TBC1D1: variants seen among roughly 807,000 people sequenced by gnomAD.
The protein encoded by TBC1D1 is TBC1 (tre-2/USP6, BUB2, cdc16) domain family, member 1.
In TBC1D1, 89 loss-of-function variants were observed where a neutral mutation model predicts 125.6. The observed-to-expected ratio is 0.71, with a 90% CI of 0.60 to 0.85. The LOEUF is 0.85. Among genes scored for constraint, TBC1D1 ranks in the 40% least tolerant of loss-of-function variants. TBC1D1 has a pLI of 0.00. For synonymous variants in TBC1D1, 565 were observed against 564.1 expected (o/e 1.00, Z -0.02); for missense variants, 1,377 against 1,469.2 (o/e 0.94, Z 1.03).
In TBC1D1 at chr4:38,137,246, C is replaced by T; in HGVS notation, c.3418C>T (p.Leu1140=). ...CTTAGAACTGGAGCGGTCGGCCCTG[C>T]TGCAGACGGTGGAGGAGCTGCGGCG... The change falls in exon 20 of 20, where the codon CTG becomes TTG. Residue 1140 remains leucine (L), a synonymous_variant. Transcript: ENST00000261439. The T allele has an allele frequency of 1.2e-6, 2 of 1,612,280 alleles. No individual in the cohort carries two copies. The highest frequency in any genetic ancestry group is 1.3e-5 in the African/African-American group (1 of 75,002).
intron 2 of TBC1D1, among the ~76,000 whole-genome samples, chr4:37,938,112 G>A (rs1724777899): frequency 6.6e-6 from 1 of 152,028 alleles, no homozygotes; most frequent in African/African-American, 2.4e-5. Flanking sequence ...TGGGTGCAGT[G>A]GTACACACCT....
intron 6 of TBC1D1, among the ~76,000 whole-genome samples, chr4:38,026,515 G>A (rs911709773): frequency 3.9e-5 from 6 of 152,340 alleles, no homozygotes; most frequent in African/African-American, 7.2e-5. Context: ...TAGGTGCCTC[G>A]CACACTGTTC....
chr4:37,934,047 A>G (rs965793963), intron 2 of TBC1D1, among the ~76,000 whole-genome samples: 2 of 152,210 alleles, frequency 1.3e-5, no homozygotes, highest in Admixed American at 6.5e-5. Flanking sequence ...ACACCTACAC[A>G]GGCCGTGTGT....
chr4:38,045,787 T>C (rs1423969728), intron 9 of TBC1D1, 30 bp from the exon 10 acceptor site: 3 of 1,591,764 alleles, frequency 1.9e-6, no homozygotes, highest in Non-Finnish European at 2.6e-6. Flanking sequence ...GCCTCCAGAG[T>C]CATAACTCGA....
At chr4:38,020,167 T>C (rs1743693120) in intron 4 of TBC1D1, among the ~76,000 whole-genome samples, 1 of 152,196 alleles carries the variant, frequency 6.6e-6, no homozygotes, top group South Asian at 2.1e-4. Context: ...TCAGAGAAAA[T>C]AGTAATTTCC....
intron 2 of TBC1D1, among the ~76,000 whole-genome samples, chr4:37,943,339 T>C (rs1221736118): frequency 6.6e-6 from 1 of 152,190 alleles, no homozygotes; most frequent in Non-Finnish European, 1.5e-5. Context: ...TCAAGGAGTA[T>C]CTTTGTGGCA....
chr4:37,902,515 A>C lies in TBC1D1; in HGVS notation c.417+3A>C, dbSNP rs1305410204. ...TCAAAGCCGATGATCAAACAAAAGT[A>C]AGTGAGATGGAGATCCAAAAGACTA... On this transcript the variant is annotated splice_donor_region_variant and intron_variant, in intron 2 of 19. Coordinates refer to ENST00000261439, the MANE Select transcript of TBC1D1 (RefSeq NM_015173.4). The C allele has an allele frequency of 6.3e-7, 1 of 1,585,572 alleles. No individual in the cohort carries two copies. Among genetic ancestry groups the C allele is most frequent in the Non-Finnish European group, 8.6e-7 (1 of 1,164,098 alleles).
chr4:37,973,395 T>A (rs543028863), intron 2 of TBC1D1, among the ~76,000 whole-genome samples: 2,421 of 152,330 alleles, frequency 0.016, 65 homozygotes, highest in African/African-American at 0.056. Flanking sequence ...TTTGGCCTGT[T>A]TTTTTGCAAG....
chr4:38,107,577 G>GTTTTTTTTTTTTTTT (rs3038351), intron 15 of TBC1D1, among the ~76,000 whole-genome samples: 1 of 53,104 alleles, frequency 1.9e-5, no homozygotes, highest in African/African-American at 8.4e-5. Context: ...GTCTAAACAG[G>GTTTTTTTTTTTTTTT]TTTTTTTTTT....
At chr4:37,929,862 G>C (rs1039425763) in intron 2 of TBC1D1, among the ~76,000 whole-genome samples, 1 of 152,212 alleles carries the variant, frequency 6.6e-6, no homozygotes, top group Non-Finnish European at 1.5e-5. Context: ...GCCTCTTAGG[G>C]AGAAAGAAAG....
At chr4:37,973,532 C>T (rs978126640) in intron 2 of TBC1D1, among the ~76,000 whole-genome samples, 12 of 152,216 alleles carry the variant, frequency 7.9e-5, no homozygotes, top group African/African-American at 2.7e-4. Flanking sequence ...GGGTTCTCCT[C>T]ATCCTTTCCC....
In TBC1D1 at chr4:38,027,641, A is replaced by T. The variant is rs1447152908; in HGVS notation, c.1211-147A>T. The T allele has an allele frequency of 1.4e-5, 7 of 500,858 alleles. No individual in the cohort carries two copies. In the East Asian group the frequency reaches 1.7e-4, roughly 12 times the overall value. 31.0% of individuals were successfully genotyped at this position (500,858 alleles called of 1,614,324 possible). A position where few individuals can be genotyped will look rare whatever the true frequency, so the allele number is the denominator to read the frequency against. On this transcript the variant is annotated intron_variant, in intron 6 of 19. Transcript: ENST00000261439. Reference sequence around the variant, plus strand: ...ACAGAGTGGGATTCCATGTCAAAAAAAAAAATAAAATATTTTTTTATTTCC... The same window carrying T: ...ACAGAGTGGGATTCCATGTCAAAAATAAAAATAAAATATTTTTTTATTTCC...
At position 37,982,774 on chromosome 4, in the gene TBC1D1, ATG is replaced by A. The variant is rs1260810618; in HGVS notation, c.418-31729_418-31728del. Among the ~76,000 whole-genome samples, 6 of 152,296 alleles carry A rather than the reference ATG, an allele frequency of 3.9e-5. No homozygotes were observed. In the East Asian group the frequency reaches 1.2e-3, roughly 29 times the overall value. On this transcript the variant is annotated intron_variant, in intron 2 of 19. Transcript: ENST00000261439. ...ATTCTTTAATCTGATTTTAACCTGT[ATG>A]TGTGTCCCCTGTTCTTCTGTTTCTA... is the stretch of plus-strand genomic sequence containing the variant.
chr4:38,057,055 G>GT (rs1002064401), intron 12 of TBC1D1, among the ~76,000 whole-genome samples: 4 of 152,046 alleles, frequency 2.6e-5, no homozygotes, highest in African/African-American at 7.2e-5. Flanking sequence ...TTCCTAGGCC[G>GT]TAATCACCCC....
At chr4:37,948,098 A>G (rs1471889158) in intron 2 of TBC1D1, among the ~76,000 whole-genome samples, 2 of 152,312 alleles carry the variant, frequency 1.3e-5, no homozygotes, top group Middle Eastern at 3.4e-3. Context: ...GATGCAGTCA[A>G]ACTGCAAGAC....
At chr4:38,113,729 T>G (rs1269394728) in intron 15 of TBC1D1, among the ~76,000 whole-genome samples, 1 of 152,212 alleles carries the variant, frequency 6.6e-6, no homozygotes, top group Non-Finnish European at 1.5e-5. Flanking sequence ...ACCAGTACAC[T>G]GGTGTTGCCC....
chr4:37,912,524 C>A (rs59728587), intron 2 of TBC1D1, among the ~76,000 whole-genome samples: 1 of 152,086 alleles, frequency 6.6e-6, no homozygotes. Context: ...GTTGGACAGT[C>A]CCCTGAAAAA....
chr4:38,078,684 C>T (rs924126106), intron 12 of TBC1D1, among the ~76,000 whole-genome samples: 1 of 152,198 alleles, frequency 6.6e-6, no homozygotes, highest in Non-Finnish European at 1.5e-5. Context: ...AGAGGGCTCT[C>T]ACTAGAATAC....
intron 12 of TBC1D1, among the ~76,000 whole-genome samples, chr4:38,058,747 CAACAGTA>C (rs1279908998): frequency 1.3e-5 from 2 of 151,968 alleles, no homozygotes; most frequent in Non-Finnish European, 2.9e-5. Flanking sequence ...TAAAACACAC[CAACAGTA>C]ATACAAAAAC....
Sources: gnomAD v4.1 joint callset for allele counts (sites outside exome capture counted in the v4.1 genomes callset) on GRCh38, gnomAD v4.1.1 for gene constraint, MANE v1.5 for transcripts, NCBI Gene and HGNC (gene_info 2026-07-23, HGNC 2026-07-21) for gene names.